GAPVD1: variants seen among roughly 807,000 people sequenced by gnomAD.
GAPVD1 encodes GTPase-activating protein and VPS9 domain-containing protein 1.
Under a neutral mutation model 155.5 loss-of-function variants are expected in GAPVD1, and 35 were observed. That is an observed-to-expected ratio of 0.23 (90% CI 0.17 to 0.30). The LOEUF (loss-of-function observed/expected upper bound fraction) is 0.30. GAPVD1 is among the 10% of genes least tolerant of loss of function. The pLI is 1.00. For missense variants in GAPVD1, 1,429 were observed against 1,775.7 expected, an observed-to-expected ratio of 0.80 and a Z score of 3.51; for synonymous variants, 636 against 619.7, an observed-to-expected ratio of 1.03 and a Z score of -0.39.
At chr9:125,331,778 A>G (rs111514175) in intron 13 of GAPVD1, 148 bp from the exon 14 acceptor site, 83 of 666,142 alleles carry the variant, frequency 1.2e-4, no homozygotes, top group Middle Eastern at 1.2e-3. Flanking sequence ...CACTTAATCT[A>G]ACTAGCATTA....
chr9:125,308,137 T>C lies in GAPVD1; in HGVS notation c.1441+257T>C, dbSNP rs12340666. On this transcript the variant is annotated intron_variant, in intron 8 of 27. Transcript: ENST00000297933. ...AGTATACTTTCTTTAAATTTTATTG[T>C]CTTTTCTTGAAAAAATTTTGGAAAT... is the stretch of plus-strand genomic sequence containing the variant. The C allele has an allele frequency of 8.8e-5, 48 of 546,412 alleles. No homozygotes were observed. The South Asian group carries it at 1.2e-3, about 13-fold the overall frequency. 33.8% of individuals were successfully genotyped at this position (546,412 alleles called of 1,614,324 possible).
chr9:125,301,697 G>A (rs556552960), intron 4 of GAPVD1, among the ~76,000 whole-genome samples: 1 of 152,008 alleles, frequency 6.6e-6, no homozygotes, highest in South Asian at 2.1e-4. Context: ...TGATTTGCCC[G>A]CCTCGGCCTC....
chr9:125,346,900 C>G lies in GAPVD1; in HGVS notation c.3128C>G (p.Thr1043Ser), dbSNP rs775201347. ...AAATACAGGAATGCCATTAAACGGA[C>G]CAGCCCCAGTGATGGAGCAATGGCA... ...LDKYRNAIKR[T>S]SPSDGAMANY... Residue 1043 changes from threonine to serine, a missense_variant, in exon 20 of 28, where the codon ACC becomes AGC. Thr to Ser is a moderately conservative substitution (Grantham distance 58). Transcript: ENST00000297933. 6.2e-6 allele frequency: 10 copies of G among 1,612,010 alleles called. No homozygotes were observed. Among genetic ancestry groups the G allele is most frequent in the South Asian group, 1.1e-5 (1 of 91,048 alleles).
chr9:125,355,152 C>G lies in GAPVD1; in HGVS notation c.3757+311C>G, dbSNP rs541476231. Reference sequence around the variant, plus strand: ...GAAACTTTTGAGACGGAGTCTTGCTCTGTCGCCAGGCTGGAGTACAGTGGC... The same window carrying G: ...GAAACTTTTGAGACGGAGTCTTGCTGTGTCGCCAGGCTGGAGTACAGTGGC... On this transcript the variant is annotated intron_variant, in intron 24 of 27. Coordinates refer to ENST00000297933, the MANE Select transcript of GAPVD1 (RefSeq NM_001282680.3). Among the ~76,000 whole-genome samples the G allele has an allele frequency of 3.0e-4, 45 of 152,280 alleles. 1 individual carries two copies. In the South Asian group the frequency reaches 6.2e-3, roughly 21 times the overall value.
At chr9:125,276,449 T>C (rs1835802855) in intron 2 of GAPVD1, among the ~76,000 whole-genome samples, 1 of 152,190 alleles carries the variant, frequency 6.6e-6, no homozygotes, top group Admixed American at 6.6e-5. Flanking sequence ...CCCAGCACTT[T>C]GGGATTACAC....
Position 125,326,608 on chromosome 9 carries a change from C to T in GAPVD1, c.2032+19C>T, listed in dbSNP as rs778368436. 6.4e-7 allele frequency: 1 copy of T among 1,564,554 alleles called. No homozygotes were observed. Among genetic ancestry groups the T allele is most frequent in the Non-Finnish European group, 8.8e-7 (1 of 1,135,932 alleles). The stretch of plus-strand genomic sequence containing the variant: ...ATTGCAGGTAACTGCCATTTAATGT[C>T]TCTGAAATATCACGGTTTAGTTATT... On this transcript the variant is annotated intron_variant, in intron 12 of 27. Coordinates refer to ENST00000297933, the MANE Select transcript of GAPVD1 (RefSeq NM_001282680.3).
chr9:125,315,152 G>A (rs1263200043), intron 9 of GAPVD1, among the ~76,000 whole-genome samples: 1 of 152,096 alleles, frequency 6.6e-6, no homozygotes, highest in Admixed American at 6.6e-5. Context: ...GAAAGAAGAG[G>A]CCAGTTTTAG....
At chr9:125,338,696 C>G (rs1847380074) in intron 17 of GAPVD1, among the ~76,000 whole-genome samples, 1 of 152,124 alleles carries the variant, frequency 6.6e-6, no homozygotes, top group African/African-American at 2.4e-5. Flanking sequence ...TGCACTTTGT[C>G]AGGTAGCACA....
intron 10 of GAPVD1, among the ~76,000 whole-genome samples, chr9:125,323,363 T>C (rs1380963201): frequency 1.3e-5 from 2 of 152,146 alleles, no homozygotes; most frequent in African/African-American, 4.8e-5. Flanking sequence ...TGGAGTGCAG[T>C]GGCGCGATCT....
intron 10 of GAPVD1, 50 bp downstream of exon 10, chr9:125,321,612 T>C (rs1357552088): frequency 6.5e-7 from 1 of 1,543,188 alleles, no homozygotes; most frequent in African/African-American, 1.4e-5. Context: ...TAATAGTTTG[T>C]TTTGTGTTTT....
At chr9:125,298,366 C>T (rs1392879755) in intron 3 of GAPVD1, among the ~76,000 whole-genome samples, 2 of 150,226 alleles carry the variant, frequency 1.3e-5, no homozygotes, top group African/African-American at 4.9e-5. Flanking sequence ...GCTTTTTTTT[C>T]TTTTTGCTTA....
chr9:125,342,356 C>T, intron 19 of GAPVD1, 57 bp downstream of exon 19: 1 of 979,258 alleles, frequency 1.0e-6, no homozygotes. Context: ...TATTTCATAA[C>T]ACTTTTTCTT....
intron 2 of GAPVD1, among the ~76,000 whole-genome samples, chr9:125,274,534 G>T (rs1835453843): frequency 1.3e-5 from 2 of 150,136 alleles, no homozygotes; most frequent in African/African-American, 4.9e-5. Flanking sequence ...TGCAATCTCG[G>T]CTCACTGCAA....
chr9:125,299,412 C>T (rs946558403), intron 4 of GAPVD1, among the ~76,000 whole-genome samples: 1 of 152,162 alleles, frequency 6.6e-6, no homozygotes, highest in African/African-American at 2.4e-5. Flanking sequence ...AATCCCAGCA[C>T]TTTGGGAGGC....
At chr9:125,307,619 T>C in intron 7 of GAPVD1, 72 bp downstream of exon 7, 3 of 1,560,686 alleles carry the variant, frequency 1.9e-6, no homozygotes, top group Admixed American at 1.7e-5. Flanking sequence ...CATACATGAG[T>C]ACATTGTGTG....
chr9:125,355,963 G>T (rs1850018680), intron 25 of GAPVD1, 106 bp downstream of exon 25: 1 of 676,018 alleles, frequency 1.5e-6, no homozygotes, highest in Non-Finnish European at 2.7e-6. Flanking sequence ...GATTGTAAAA[G>T]GAAATTCATT....
chr9:125,270,977 A>G (rs1271735915), intron 2 of GAPVD1, among the ~76,000 whole-genome samples: 1 of 152,204 alleles, frequency 6.6e-6, no homozygotes, highest in Non-Finnish European at 1.5e-5. Context: ...GGTTGAGTGA[A>G]GGACTTAACA....
intron 23 of GAPVD1, among the ~76,000 whole-genome samples, chr9:125,351,420 A>C (rs1157629184): frequency 1.3e-5 from 2 of 152,222 alleles, no homozygotes; most frequent in East Asian, 3.8e-4. Context: ...ACAGTTGCCC[A>C]AAGTCTTAAC....
intron 20 of GAPVD1, among the ~76,000 whole-genome samples, chr9:125,347,948 A>G (rs565784096): frequency 9.9e-5 from 15 of 152,126 alleles, no homozygotes; most frequent in African/African-American, 2.9e-4. Flanking sequence ...GAATAATACA[A>G]TGAAGGTTCA....
Sources: allele counts gnomAD v4.1 joint callset (sites outside exome capture counted in the v4.1 genomes callset), GRCh38; gene constraint gnomAD v4.1.1; transcripts MANE v1.5; gene names NCBI Gene and HGNC (gene_info 2026-07-23, HGNC 2026-07-21).